WFIKKN1: variants seen among roughly 807,000 people sequenced by gnomAD.
WFIKKN1 encodes the protein WAP, Kazal, immunoglobulin, Kunitz and NTR domain-containing protein 1.
In WFIKKN1, 6 loss-of-function variants were observed where a neutral mutation model predicts 4.6. The observed-to-expected ratio is 1.31, with a 90% CI of 0.72 to 2.59. WFIKKN1 has a LOEUF of 2.59. Among genes scored for constraint, WFIKKN1 ranks in the 30% most tolerant of loss-of-function variants. WFIKKN1 has a pLI of 0.00. For synonymous variants in WFIKKN1, 468 were observed against 367.4 expected, an observed-to-expected ratio of 1.27 and a Z score of -3.13; for missense variants, 964 against 818.0, an observed-to-expected ratio of 1.18 and a Z score of -2.18.
chr16:631,144 G>A lies in WFIKKN1; in HGVS notation c.-110G>A. 1.6e-6 allele frequency: 2 copies of A among 1,285,848 alleles called. No individual in the cohort carries two copies. Among genetic ancestry groups the A allele is most frequent in the Non-Finnish European group, 2.1e-6 (2 of 965,554 alleles). 79.7% of individuals were successfully genotyped at this position (1,285,848 alleles called of 1,614,324 possible). Reference sequence around the variant, plus strand: ...AAAGGGAGCCCCGGGGTCCTGGTGGGGGCACCGACCACAGGCCCGGAGGGT... The same window carrying A: ...AAAGGGAGCCCCGGGGTCCTGGTGGAGGCACCGACCACAGGCCCGGAGGGT... On this transcript the variant is annotated 5_prime_UTR_variant, in exon 1 of 2. Coordinates refer to ENST00000319070, the MANE Select transcript of WFIKKN1 (RefSeq NM_053284.3).
chr16:632,936 C>T lies in WFIKKN1; in HGVS notation c.526C>T (p.Arg176Cys), dbSNP rs761200334. Reference sequence around the variant, plus strand: ...CCCGGGGCCGCCGGAGACCACTGCCCGCCCCACACCTGGGGCCGCGCCCGT... The same window carrying T: ...CCCGGGGCCGCCGGAGACCACTGCCTGCCCCACACCTGGGGCCGCGCCCGT... ...SSPGPPETTARPTPGAAPVPP... is the reference protein window; with the variant it reads ...SSPGPPETTACPTPGAAPVPP... The change falls in exon 2 of 2, where the codon CGC (arginine) becomes TGC (cysteine). Residue 176 changes from arginine to cysteine, a missense_variant. Arg to Cys is a radical substitution (Grantham distance 180, BLOSUM62 -3). Transcript: ENST00000319070. The T allele has an allele frequency of 1.9e-5, 30 of 1,557,734 alleles. No homozygotes were observed. Among genetic ancestry groups the T allele is most frequent in the African/African-American group, 5.5e-5 (4 of 73,174 alleles).
chr16:632,504 C>A, intron 1 of WFIKKN1, 78 bp from the exon 2 acceptor site: 6 of 1,392,222 alleles, frequency 4.3e-6, no homozygotes, highest in Non-Finnish European at 5.6e-6. Flanking sequence ...CCCACCTGGG[C>A]CTCCCCTTGC....
rs1412058920 is a variant in WFIKKN1 at position 631,391 on chromosome 16, G to C, written c.138G>C (p.Gln46His). 1 of 1,609,554 alleles carries C rather than the reference G, an allele frequency of 6.2e-7. No individual in the cohort carries two copies. The highest frequency in any genetic ancestry group is 1.1e-5 in the South Asian group (1 of 91,048). Residue 46 changes from glutamine (Q) to histidine (H), a missense_variant, in exon 1 of 2, where the codon CAG (glutamine) becomes CAC (histidine). Physicochemically the swap from Gln to His is conservative, Grantham distance 24. Coordinates refer to ENST00000319070, the MANE Select transcript of WFIKKN1 (RefSeq NM_053284.3). ...GCCCCAACCTGTGGGTGGACGCCCA[G>C]AGCACCTGTGAGCGCGAGTGTAGCA... The part of the protein sequence containing the change: ...QLSPNLWVDA[Q>H]STCERECSRD...
In WFIKKN1 at chr16:631,227, C is replaced by T; in HGVS notation, c.-27C>T. The T allele has an allele frequency of 1.3e-6, 2 of 1,539,222 alleles. No individual in the cohort carries two copies. Among genetic ancestry groups the T allele is most frequent in the Non-Finnish European group, 8.7e-7 (1 of 1,149,308 alleles). On this transcript the variant is annotated 5_prime_UTR_variant, in exon 1 of 2. Coordinates refer to ENST00000319070, the MANE Select transcript of WFIKKN1 (RefSeq NM_053284.3). The stretch of plus-strand genomic sequence containing the variant: ...CCGAGGAGGGGCTGGTGGCCACACC[C>T]CCCGGCCCCCTGGCTCGGCGGCCCT...
At chr16:632,525 C>G in intron 1 of WFIKKN1, 57 bp from the exon 2 acceptor site, 3 of 1,435,036 alleles carry the variant, frequency 2.1e-6, no homozygotes, top group Non-Finnish European at 2.7e-6. Context: ...AGGGGCCAGG[C>G]CAGAGCCCCG....
rs2036966646 is a variant in WFIKKN1 at position 632,730 on chromosome 16, T to C, written c.320T>C (p.Ile107Thr). The change falls in exon 2 of 2, where the codon ATC (isoleucine) becomes ACC (threonine). Residue 107 changes from isoleucine (I) to threonine (T), a missense_variant. Transcript: ENST00000319070. Reference sequence around the variant, plus strand: ...CCACAGCAGGGCTCGGACTGCGACATCTGGGACGGGCAGCCCGTGTGCCGC... The same window carrying C: ...CCACAGCAGGGCTCGGACTGCGACACCTGGGACGGGCAGCCCGTGTGCCGC... ...VCPQQGSDCD[I>T]WDGQPVCRCR... The C allele has an allele frequency of 6.2e-7, 1 of 1,610,556 alleles. No individual in the cohort carries two copies. The highest frequency in any genetic ancestry group is 8.5e-7 in the Non-Finnish European group (1 of 1,178,822).
In WFIKKN1 at chr16:633,213, C is replaced by T; in HGVS notation, c.803C>T (p.Ala268Val). The change falls in exon 2 of 2, where the codon GCT (alanine) becomes GTT (valine). Residue 268 changes from alanine to valine, a missense_variant. By Grantham distance (64) the Ala-to-Val change is moderately conservative. Coordinates refer to ENST00000319070, the MANE Select transcript of WFIKKN1 (RefSeq NM_053284.3). The stretch of plus-strand genomic sequence containing the variant: ...CTGTACACCTGCACCGCGCGCAACG[C>T]TGCTGGGCTGCTGCGGGCTGACTTC... ...AGLYTCTARN[A>V]AGLLRADFPL... is the part of the protein sequence containing the mutation. The T allele has an allele frequency of 6.3e-7, 1 of 1,588,424 alleles. No homozygotes were observed. The highest frequency in any genetic ancestry group is 8.6e-7 in the Non-Finnish European group (1 of 1,167,528).
chr16:632,845 C>T lies in WFIKKN1; in HGVS notation c.435C>T (p.Ala145=). ...YYNRCYMDAE[A]CLRGLHLHIV... is the part of the protein sequence containing the mutation. ...ACCGCTGCTATATGGACGCCGAGGC[C>T]TGCCTGCGGGGCCTGCACCTCCACA... is the stretch of plus-strand genomic sequence containing the variant. The change falls in exon 2 of 2, where the codon GCC becomes GCT. Residue 145 remains alanine (A), a synonymous_variant. Coordinates refer to ENST00000319070, the MANE Select transcript of WFIKKN1 (RefSeq NM_053284.3). 1 of 1,573,006 alleles carries T rather than the reference C, an allele frequency of 6.4e-7. No individual in the cohort carries two copies. The highest frequency in any genetic ancestry group is 8.6e-7 in the Non-Finnish European group (1 of 1,156,850).
Position 633,531 on chromosome 16 carries a change from G to T in WFIKKN1, c.1121G>T (p.Arg374Leu). The T allele has an allele frequency of 2.0e-6, 3 of 1,517,756 alleles. No homozygotes were observed. Among genetic ancestry groups the T allele is most frequent in the East Asian group, 2.5e-5 (1 of 39,866 alleles). 94.0% of individuals were successfully genotyped at this position (1,517,756 alleles called of 1,614,324 possible). Reference protein sequence around the residue: ...VQGPCRGWEPRWAYSPLLQQC... With the variant: ...VQGPCRGWEPLWAYSPLLQQC... The stretch of plus-strand genomic sequence containing the variant: ...GGCCCCTGCCGGGGCTGGGAGCCGC[G>T]CTGGGCCTACAGCCCGCTGCTGCAG... The change falls in exon 2 of 2, where the codon CGC (arginine) becomes CTC (leucine). Residue 374 changes from arginine (R) to leucine (L), a missense_variant. Arg to Leu is a moderately radical substitution (Grantham distance 102). Transcript: ENST00000319070.
Position 633,550 on chromosome 16 carries a change from G to T in WFIKKN1, c.1140G>T (p.Leu380=). ...AGCCGCGCTGGGCCTACAGCCCGCTGCTGCAGCAGTGCCATCCCTTCGTGT... is the reference window on the plus strand; with the variant it reads ...AGCCGCGCTGGGCCTACAGCCCGCTTCTGCAGCAGTGCCATCCCTTCGTGT... ...GWEPRWAYSP[L]LQQCHPFVYG... Residue 380 remains leucine (L), a synonymous_variant, in exon 2 of 2, where the codon CTG becomes CTT. Coordinates refer to ENST00000319070, the MANE Select transcript of WFIKKN1 (RefSeq NM_053284.3). The T allele has an allele frequency of 6.5e-7, 1 of 1,541,650 alleles. No individual in the cohort carries two copies. Among genetic ancestry groups the T allele is most frequent in the Admixed American group, 2.0e-5 (1 of 50,612 alleles).
In WFIKKN1 at chr16:633,199, C is replaced by G. The variant is rs1479598189; in HGVS notation, c.789C>G (p.Cys263Trp). 1.3e-6 allele frequency: 2 copies of G among 1,593,546 alleles called. No individual in the cohort carries two copies. Among genetic ancestry groups the G allele is most frequent in the Admixed American group, 3.5e-5 (2 of 57,838 alleles). ...ARPEDAGLYT[C>W]TARNAAGLLR... Reference sequence around the variant, plus strand: ...CCGAAGACGCCGGCCTGTACACCTGCACCGCGCGCAACGCTGCTGGGCTGC... The same window carrying G: ...CCGAAGACGCCGGCCTGTACACCTGGACCGCGCGCAACGCTGCTGGGCTGC... Residue 263 changes from cysteine (C) to tryptophan (W), a missense_variant, in exon 2 of 2, where the codon TGC becomes TGG. By Grantham distance (215) the Cys-to-Trp change is radical. Coordinates refer to ENST00000319070, the MANE Select transcript of WFIKKN1 (RefSeq NM_053284.3).
At chr16:632,406 C>A in intron 1 of WFIKKN1, 176 bp from the exon 2 acceptor site, 1 of 677,632 alleles carries the variant, frequency 1.5e-6, no homozygotes, top group Non-Finnish European at 2.2e-6. Context: ...AGCCAGGTGG[C>A]ACCTCTGGCG....
At position 633,854 on chromosome 16, in the gene WFIKKN1, C is replaced by G; in HGVS notation, c.1444C>G (p.Leu482Val). The G allele has an allele frequency of 1.3e-6, 2 of 1,598,088 alleles. No individual in the cohort carries two copies. The highest frequency in any genetic ancestry group is 1.7e-6 in the Non-Finnish European group (2 of 1,172,998). The change falls in exon 2 of 2, where the codon CTG becomes GTG. Residue 482 changes from leucine (L) to valine (V), a missense_variant. Transcript: ENST00000319070. ...GGGCACCAAGTACCTGGAGGTGACG[C>G]TGAGTGGCATGGACTGGGCCTGCCC... ...FLGTKYLEVT[L>V]SGMDWACPCP... is the part of the protein sequence containing the mutation.
At chr16:632,273 T>G in intron 1 of WFIKKN1, 1 of 305,362 alleles carries the variant, frequency 3.3e-6, no homozygotes. Context: ...GCCTTTGTCC[T>G]GGCCCGCACC....
intron 1 of WFIKKN1, 30 bp downstream of exon 1, chr16:631,454 C>G: frequency 6.3e-7 from 1 of 1,595,060 alleles, no homozygotes. Context: ...GGTCCTGGGG[C>G]TCAGAGCAGC....
Position 631,260 on chromosome 16 carries a change from GC to G in WFIKKN1, c.10del (p.Leu4TyrfsTer13), listed in dbSNP as rs765698046. 1.3e-6 allele frequency: 2 copies of G among 1,561,474 alleles called. No individual in the cohort carries two copies. Among genetic ancestry groups the G allele is most frequent in the Non-Finnish European group, 1.7e-6 (2 of 1,162,380 alleles). Reference protein sequence around the residue: MPALRPLLPLLLL... With the variant: MPXLRPLLPLLLL... ...CCCTGGCTCGGCGGCCCTCATGCCC[GC>G]CCTACGTCCACTCCTGCCGCTCCTG... On this transcript the variant is annotated frameshift_variant, in exon 1 of 2. Transcript: ENST00000319070. LOFTEE classifies it high-confidence loss of function.
Position 633,889 on chromosome 16 carries a change from C to A in WFIKKN1, c.1479C>A (p.Asn493Lys), listed in dbSNP as rs750306090. The change falls in exon 2 of 2, where the codon AAC (asparagine) becomes AAA (lysine). Residue 493 changes from asparagine to lysine, a missense_variant. Asn to Lys is a moderately conservative substitution (Grantham distance 94). Transcript: ENST00000319070. ...SGMDWACPCP[N>K]MTAGDGPLVI... The stretch of plus-strand genomic sequence containing the variant: ...TGGACTGGGCCTGCCCCTGCCCCAA[C>A]ATGACGGCGGGCGACGGGCCGCTGG... 1.3e-6 allele frequency: 2 copies of A among 1,595,660 alleles called. No individual in the cohort carries two copies. The highest frequency in any genetic ancestry group is 1.7e-6 in the Non-Finnish European group (2 of 1,171,870).
intron 1 of WFIKKN1, 65 bp from the exon 2 acceptor site, chr16:632,517 G>A: frequency 1.4e-6 from 2 of 1,404,618 alleles, no homozygotes; most frequent in Non-Finnish European, 1.9e-6. Context: ...CCCCTTGCAG[G>A]GGCCAGGCCA....
In WFIKKN1 at chr16:631,224, A is replaced by AC. The variant is rs762315948; in HGVS notation, c.-24dup. On this transcript the variant is annotated 5_prime_UTR_variant, in exon 1 of 2. Coordinates refer to ENST00000319070, the MANE Select transcript of WFIKKN1 (RefSeq NM_053284.3). ...AGCCCGAGGAGGGGCTGGTGGCCACACCCCCCGGCCCCCTGGCTCGGCGGC... is the reference window on the plus strand; with the variant it reads ...AGCCCGAGGAGGGGCTGGTGGCCACACCCCCCCGGCCCCCTGGCTCGGCGGC... 1.3e-6 allele frequency: 2 copies of AC among 1,529,016 alleles called. No homozygotes were observed. The highest frequency in any genetic ancestry group is 1.7e-6 in the Non-Finnish European group (2 of 1,144,436). The allele number at this position is 1,529,016 out of a possible 1,614,324, so 94.7% of individuals were successfully genotyped here. A position where few individuals can be genotyped will look rare whatever the true frequency, so the allele number is the denominator to read the frequency against.
Sources: gnomAD v4.1 joint callset for allele counts on GRCh38, gnomAD v4.1.1 for gene constraint, MANE v1.5 for transcripts, NCBI Gene and HGNC (gene_info 2026-07-23, HGNC 2026-07-21) for gene names.